The following ANKH variants were observed in gnomAD, a reference collection of about 807,000 sequenced individuals.
ANKH encodes the protein ANKH inorganic pyrophosphate transport regulator.
Under a neutral mutation model 49.0 loss-of-function variants are expected in ANKH, and 15 were observed. The ratio of observed to expected loss-of-function variants is 0.31; its 90% CI spans 0.20 to 0.47. The LOEUF (loss-of-function observed/expected upper bound fraction) is 0.47. Among genes scored for constraint, ANKH ranks in the 20% least tolerant of loss-of-function variants. ANKH has a pLI of 1.00. For synonymous variants in ANKH, 273 were observed against 260.0 expected, an observed-to-expected ratio of 1.05 and a Z score of -0.48; for missense variants, 429 against 652.0, an observed-to-expected ratio of 0.66 and a Z score of 3.72.
At chr5:14,769,889 C>T (rs1275048493) in intron 1 of ANKH, among the ~76,000 whole-genome samples, 1 of 152,136 alleles carries the variant, frequency 6.6e-6, no homozygotes, top group Non-Finnish European at 1.5e-5. Context: ...CAGGAAGATG[C>T]GGTTGTAAAA....
At chr5:14,721,993 G>C (rs1737686512) in intron 8 of ANKH, among the ~76,000 whole-genome samples, 1 of 148,650 alleles carries the variant, frequency 6.7e-6, no homozygotes, top group African/African-American at 2.5e-5. Context: ...ATACCTATCT[G>C]CAGGTGAGGT....
chr5:14,838,872 C>T (rs1247609501), intron 1 of ANKH, among the ~76,000 whole-genome samples: 1 of 152,176 alleles, frequency 6.6e-6, no homozygotes, highest in African/African-American at 2.4e-5. Flanking sequence ...AAGTCCCTCC[C>T]AGCCCCTAAG....
intron 1 of ANKH, 78 bp downstream of exon 1, chr5:14,871,274 A>C: frequency 7.9e-7 from 1 of 1,264,664 alleles, no homozygotes. Flanking sequence ...GGAGCAGGTG[A>C]CTCCCCTCCG....
chr5:14,785,715 C>G (rs1739952405), intron 1 of ANKH, among the ~76,000 whole-genome samples: 1 of 152,172 alleles, frequency 6.6e-6, no homozygotes, highest in Non-Finnish European at 1.5e-5. Context: ...GAAAAACTCT[C>G]TTTTCATTCT....
chr5:14,740,177 C>G (rs780456287), intron 8 of ANKH, among the ~76,000 whole-genome samples: 4 of 152,078 alleles, frequency 2.6e-5, no homozygotes, highest in Non-Finnish European at 5.9e-5. Flanking sequence ...GGCAGCCAGG[C>G]GTTGTCAGCT....
intron 1 of ANKH, 99 bp downstream of exon 1, chr5:14,871,253 A>C: frequency 9.6e-7 from 1 of 1,042,142 alleles, no homozygotes; most frequent in Non-Finnish European, 1.4e-6. Flanking sequence ...TTTCAGGATA[A>C]AGAGGGACTC....
intron 5 of ANKH, 140 bp downstream of exon 5, chr5:14,750,929 C>T (rs950589582): frequency 2.0e-6 from 2 of 976,896 alleles, no homozygotes; most frequent in African/African-American, 3.2e-5. Context: ...CTGCAGACAT[C>T]TAGCACTTGG....
chr5:14,758,721 A>G, intron 2 of ANKH, 123 bp from the exon 3 acceptor site: 3 of 786,638 alleles, frequency 3.8e-6, no homozygotes, highest in Non-Finnish European at 6.6e-6. Context: ...AAAATTAGAT[A>G]AGCAAATAGA....
chr5:14,798,167 A>T, intron 1 of ANKH: 3 of 1,566,102 alleles, frequency 1.9e-6, no homozygotes, highest in South Asian at 1.1e-5. Flanking sequence ...CTATAACAAG[A>T]TGGTTTTGTT....
intron 7 of ANKH, among the ~76,000 whole-genome samples, chr5:14,742,520 T>C (rs567300801): frequency 1.2e-4 from 18 of 152,278 alleles, no homozygotes; most frequent in Admixed American, 5.2e-4. Flanking sequence ...ACATCCCTCT[T>C]TCTAAGGCCC....
intron 1 of ANKH, among the ~76,000 whole-genome samples, chr5:14,793,657 G>A (rs374941804): frequency 1.7e-4 from 26 of 152,326 alleles, no homozygotes; most frequent in Middle Eastern, 6.8e-3. Flanking sequence ...TGCTGTTCTC[G>A]CCTTCACTGC....
intron 2 of ANKH, chr5:14,768,700 TTACCAAA>T: frequency 1.9e-6 from 1 of 530,482 alleles, no homozygotes. Flanking sequence ...TTTATTGGCC[TTACCAAA>T]TGTTATTCCT....
intron 1 of ANKH, among the ~76,000 whole-genome samples, chr5:14,779,980 T>TATAA (rs1400013465): frequency 1.3e-5 from 2 of 152,104 alleles, no homozygotes; most frequent in African/African-American, 2.4e-5. Context: ...TGTTCCATTA[T>TATAA]GGAGTCAAAT....
intron 1 of ANKH, among the ~76,000 whole-genome samples, chr5:14,842,172 G>A (rs1741833006): frequency 6.6e-6 from 1 of 152,194 alleles, no homozygotes; most frequent in Admixed American, 6.5e-5. Context: ...CCTGCTGTAA[G>A]GTGGAGATGG....
intron 8 of ANKH, among the ~76,000 whole-genome samples, chr5:14,726,373 G>A (rs940076610): frequency 1.3e-5 from 2 of 152,166 alleles, no homozygotes; most frequent in Non-Finnish European, 2.9e-5. Flanking sequence ...GCTTTCACTC[G>A]GAGGGATGTG....
intron 9 of ANKH, 26 bp downstream of exon 9, chr5:14,716,680 G>A: frequency 6.2e-7 from 1 of 1,613,312 alleles, no homozygotes; most frequent in South Asian, 1.1e-5. Flanking sequence ...AAACAGGAAT[G>A]CTTCCTTCAT....
chr5:14,816,473 C>T (rs1463618284), intron 1 of ANKH, among the ~76,000 whole-genome samples: 1 of 152,048 alleles, frequency 6.6e-6, no homozygotes, highest in African/African-American at 2.4e-5. Flanking sequence ...CAGAGAGGAA[C>T]AGGACCCAGC....
rs72494104 is a variant in ANKH, at chr5:14,753,822, C to T, written c.516+2039G>A. Among the ~76,000 whole-genome samples the T allele has an allele frequency of 2.6e-5, 4 of 152,086 alleles. No homozygotes were observed. The East Asian group carries it at 7.7e-4, about 29-fold the overall frequency. On this transcript the variant is annotated intron_variant, in intron 4 of 11. Transcript: ENST00000284268. ...AAACAAAACAAAACAAAACAAAAAA[C>T]CCCCCTCGAGAATTGCCATTGAAAT... is the stretch of plus-strand genomic sequence containing the variant.
At chr5:14,765,607 GA>G (rs369395796) in intron 2 of ANKH, among the ~76,000 whole-genome samples, 1,608 of 146,698 alleles carry the variant, frequency 0.011, 34 homozygotes, top group African/African-American at 0.037. Flanking sequence ...GCGGGGTCAA[GA>G]AAAAAAAAAG....
Sources: gnomAD v4.1 joint callset for allele counts (sites outside exome capture counted in the v4.1 genomes callset) on GRCh38, gnomAD v4.1.1 for gene constraint, MANE v1.5 for transcripts, NCBI Gene and HGNC (gene_info 2026-07-23, HGNC 2026-07-21) for gene names.